The following COG5 variants were observed in gnomAD, a reference collection of about 807,000 sequenced individuals.
COG5 encodes conserved oligomeric Golgi complex subunit 5.
A neutral mutation model predicts 110.4 loss-of-function variants in COG5; 86 were observed. The observed-to-expected ratio is 0.78, with a 90% CI of 0.65 to 0.93. The LOEUF is 0.93. Ranked by LOEUF, COG5 falls within the 40% of genes least tolerant of loss-of-function variation. The pLI is 0.00. For missense variants in COG5, 1,077 were observed against 987.0 expected (o/e 1.09, Z -1.22); for synonymous variants, 360 against 334.6 (o/e 1.08, Z -0.83).
At chr7:107,212,941 T>C (rs1799280853) in intron 19 of COG5, among the ~76,000 whole-genome samples, 1 of 152,144 alleles carries the variant, frequency 6.6e-6, no homozygotes. Flanking sequence ...AAAGTAGAGA[T>C]CTAGCTTCCC....
chr7:107,539,007 G>T (rs898144105), intron 5 of COG5, among the ~76,000 whole-genome samples: 1 of 152,110 alleles, frequency 6.6e-6, no homozygotes, highest in African/African-American at 2.4e-5. Context: ...AATGGACCAG[G>T]CGGCTCACTC....
chr7:107,235,137 G>T (rs1277865507), intron 18 of COG5, among the ~76,000 whole-genome samples: 1 of 152,168 alleles, frequency 6.6e-6, no homozygotes, highest in Non-Finnish European at 1.5e-5. Flanking sequence ...ACAGGCTCTT[G>T]AAAGTTTAGG....
chr7:107,331,524 G>A lies in COG5; in HGVS notation c.1027-7003C>T, dbSNP rs76148158. Among the ~76,000 whole-genome samples the A allele has an allele frequency of 9.2e-3, 1,392 of 152,054 alleles. 20 individuals carry two copies. Among genetic ancestry groups the A allele is most frequent in the African/African-American group, 0.032 (1,326 of 41,470 alleles). On this transcript the variant is annotated intron_variant, in intron 10 of 21. Coordinates refer to ENST00000297135, the MANE Select transcript of COG5 (RefSeq NM_006348.5). Reference sequence around the variant, plus strand: ...ATAATGTGGAAGATGAATAGTGTGCGGGGTGTTATCAAGTCTACAGGCAAA... The same window carrying A: ...ATAATGTGGAAGATGAATAGTGTGCAGGGTGTTATCAAGTCTACAGGCAAA...
intron 17 of COG5, among the ~76,000 whole-genome samples, chr7:107,237,741 A>AAGGGTGTATGT (rs1209233034): frequency 1.3e-5 from 2 of 152,198 alleles, no homozygotes; most frequent in Non-Finnish European, 1.5e-5. Context: ...AAGGCTGCTG[A>AAGGGTGTATGT]AGGGTGTATG....
intron 16 of COG5, among the ~76,000 whole-genome samples, chr7:107,255,755 C>T (rs1169136623): frequency 6.6e-6 from 1 of 152,028 alleles, no homozygotes; most frequent in African/African-American, 2.4e-5. Flanking sequence ...TGTTTGAGGT[C>T]ATATAGCTGG....
intron 5 of COG5, among the ~76,000 whole-genome samples, chr7:107,537,828 C>G (rs185642281): frequency 2.6e-5 from 4 of 151,718 alleles, no homozygotes; most frequent in Non-Finnish European, 5.9e-5. Flanking sequence ...AAAGGCACCA[C>G]AGAAGATGCT....
rs111772024 is a variant in COG5, at chr7:107,206,411, A to G, written c.2376-2781T>C. ...TTGTGAGATGCCTTAGTTAAACCAGAGCTGACCCTGAATGGAGATATTTTT... is the reference window on the plus strand; with the variant it reads ...TTGTGAGATGCCTTAGTTAAACCAGGGCTGACCCTGAATGGAGATATTTTT... On this transcript the variant is annotated intron_variant, in intron 21 of 21. Transcript: ENST00000297135. 6.6e-5 allele frequency among the ~76,000 whole-genome samples: 10 copies of G among 152,308 alleles called. 3 individuals are homozygous for G. Among genetic ancestry groups the G allele is most frequent in the African/African-American group, 2.4e-4 (10 of 41,558 alleles).
chr7:107,457,834 A>G (rs1260209163), intron 6 of COG5, among the ~76,000 whole-genome samples: 1 of 152,230 alleles, frequency 6.6e-6, no homozygotes, highest in Non-Finnish European at 1.5e-5. Flanking sequence ...GAAAAAACAA[A>G]AACAACAAAT....
rs184057892 is a variant in COG5 at position 107,325,583 on chromosome 7, C to T, written c.1027-1062G>A. The stretch of plus-strand genomic sequence containing the variant: ...GGAGAATCACTTAAACCCAGGAGGC[C>T]GAGGTTGCAGTGAGCCAAGATTGCG... On this transcript the variant is annotated intron_variant, in intron 10 of 21. Coordinates refer to ENST00000297135, the MANE Select transcript of COG5 (RefSeq NM_006348.5). Among the ~76,000 whole-genome samples, 270 of 152,144 alleles carry T rather than the reference C, an allele frequency of 1.8e-3. 4 individuals are homozygous for T. The East Asian group carries it at 0.027, about 15-fold the overall frequency.
Position 107,560,273 on chromosome 7 carries a change from A to G in COG5, c.95-2158T>C, listed in dbSNP as rs113798158. ...ACAAAGCCAATTAACCAATACACCCAAGAAATAGAACCACAGAGGCCAGTA... is the reference window on the plus strand; with the variant it reads ...ACAAAGCCAATTAACCAATACACCCGAGAAATAGAACCACAGAGGCCAGTA... On this transcript the variant is annotated intron_variant, in intron 1 of 21. Coordinates refer to ENST00000297135, the MANE Select transcript of COG5 (RefSeq NM_006348.5). 6.6e-5 allele frequency among the ~76,000 whole-genome samples: 10 copies of G among 152,306 alleles called. 3 individuals are homozygous for G. Among genetic ancestry groups the G allele is most frequent in the African/African-American group, 2.4e-4 (10 of 41,562 alleles).
chr7:107,253,090 C>T (rs1802638922), intron 16 of COG5: 2 of 152,064 alleles, frequency 1.3e-5, no homozygotes. Flanking sequence ...GACAGTGAAA[C>T]AAGGCATGGA....
intron 6 of COG5, among the ~76,000 whole-genome samples, chr7:107,498,237 A>C (rs963883452): frequency 7.9e-5 from 12 of 152,206 alleles, no homozygotes; most frequent in African/African-American, 2.9e-4. Context: ...GATTTCACAG[A>C]TGTGACCAAA....
chr7:107,234,138 A>T (rs1053837969), intron 18 of COG5, among the ~76,000 whole-genome samples: 1 of 152,216 alleles, frequency 6.6e-6, no homozygotes, highest in African/African-American at 2.4e-5. Flanking sequence ...GACACACTGT[A>T]CAGGGGTGAA....
At chr7:107,363,322 T>C in intron 8 of COG5, among the ~76,000 whole-genome samples, 1 of 152,216 alleles carries the variant, frequency 6.6e-6, no homozygotes. Context: ...ATGTGGTAGA[T>C]ATTGTGCCAG....
intron 8 of COG5, among the ~76,000 whole-genome samples, chr7:107,369,455 C>T (rs772861020): frequency 1.5e-5 from 2 of 132,364 alleles, no homozygotes; most frequent in African/African-American, 2.9e-5. Context: ...GGCACTATTT[C>T]GGCTCACTGC....
At chr7:107,392,086 G>A (rs1790664353) in intron 7 of COG5, among the ~76,000 whole-genome samples, 1 of 152,086 alleles carries the variant, frequency 6.6e-6, no homozygotes, top group African/African-American at 2.4e-5. Flanking sequence ...GCGAGACTCA[G>A]TCCCCGCCCC....
intron 6 of COG5, among the ~76,000 whole-genome samples, chr7:107,446,295 A>G (rs2129089981): frequency 6.6e-6 from 1 of 152,334 alleles, no homozygotes; most frequent in East Asian, 1.9e-4. Context: ...AACTATTTCA[A>G]TTTTGAATGA....
intron 19 of COG5, among the ~76,000 whole-genome samples, chr7:107,216,448 C>T (rs941008528): frequency 5.9e-5 from 9 of 152,208 alleles, no homozygotes; most frequent in Non-Finnish European, 8.8e-5. Flanking sequence ...AGGGAACAGA[C>T]GTCTTCTCAA....
chr7:107,509,163 A>C (rs893210774), intron 6 of COG5, among the ~76,000 whole-genome samples: 5 of 152,210 alleles, frequency 3.3e-5, no homozygotes, highest in African/African-American at 1.2e-4. Context: ...AAAGTAGACG[A>C]ATGGCTAACT....
Sources: allele counts gnomAD v4.1 joint callset (sites outside exome capture counted in the v4.1 genomes callset), GRCh38; gene constraint gnomAD v4.1.1; transcripts MANE v1.5; gene names NCBI Gene and HGNC (gene_info 2026-07-23, HGNC 2026-07-21).